The following STK31 variants were observed in gnomAD, a reference collection of about 807,000 sequenced individuals.
STK31 encodes the protein serine/threonine kinase 31.
Under a neutral mutation model 129.7 loss-of-function variants are expected in STK31, and 89 were observed. That is an observed-to-expected ratio of 0.69 (90% CI 0.58 to 0.82). STK31 has a LOEUF of 0.82. Among genes scored for constraint, STK31 ranks in the 40% least tolerant of loss-of-function variants. The probability of loss-of-function intolerance (pLI) is 0.00; values close to 1 mark genes in which losing one functional copy is unlikely to be tolerated. For synonymous variants in STK31, 448 were observed against 395.3 expected (o/e 1.13, Z -1.58); for missense variants, 1,187 against 1,176.4 (o/e 1.01, Z -0.13).
At chr7:23,825,691 A>T (rs1332147731) in intron 23 of STK31, among the ~76,000 whole-genome samples, 1 of 152,080 alleles carries the variant, frequency 6.6e-6, no homozygotes, top group Non-Finnish European at 1.5e-5. Context: ...TTGTGATGTT[A>T]GGGTGTCAAT....
chr7:23,792,255 A>G (rs1460279505), intron 22 of STK31, among the ~76,000 whole-genome samples: 1 of 152,228 alleles, frequency 6.6e-6, no homozygotes, highest in Non-Finnish European at 1.5e-5. Context: ...ATGTACATAA[A>G]AGCTACTAGA....
At position 23,767,432 on chromosome 7, in the gene STK31, A is replaced by G. The variant is rs182042403; in HGVS notation, c.1417-1563A>G. 3.8e-3 allele frequency among the ~76,000 whole-genome samples: 576 copies of G among 152,262 alleles called. 4 individuals are homozygous for G. Among genetic ancestry groups the G allele is most frequent in the Middle Eastern group, 0.02 (6 of 294 alleles). On this transcript the variant is annotated intron_variant, in intron 11 of 23. Coordinates refer to ENST00000355870, the MANE Select transcript of STK31 (RefSeq NM_031414.5). Reference sequence around the variant, plus strand: ...TAGAATGGGGTTATTTTTATTTTTAAGGGTCTAGCTTCTGATGTTGCCATC... The same window carrying G: ...TAGAATGGGGTTATTTTTATTTTTAGGGGTCTAGCTTCTGATGTTGCCATC...
In STK31 at chr7:23,721,720, C is replaced by T. The variant is rs945763836; in HGVS notation, c.249+4141C>T. 7.7e-6 allele frequency: 6 copies of T among 774,944 alleles called. No individual in the cohort carries two copies. The African/African-American group carries it at 1.0e-4, about 13-fold the overall frequency. The allele number at this position is 774,944 out of a possible 1,614,324, so 48.0% of individuals were successfully genotyped here. On this transcript the variant is annotated intron_variant, in intron 4 of 23. Transcript: ENST00000355870. ...TACCATTATCATTCTTACTTGGCTG[C>T]ACAAGTGGAGCAAATGACACAATAA...
At chr7:23,773,945 C>G (rs1056113550) in intron 15 of STK31, among the ~76,000 whole-genome samples, 30 of 148,748 alleles carry the variant, frequency 2.0e-4, no homozygotes, top group Admixed American at 1.9e-3. Context: ...CCCCACCCCA[C>G]AACAGACCCC....
At chr7:23,773,180 G>A (rs1206537288) in intron 15 of STK31, among the ~76,000 whole-genome samples, 1 of 152,034 alleles carries the variant, frequency 6.6e-6, no homozygotes, top group Non-Finnish European at 1.5e-5. Context: ...TTCTCCTAAT[G>A]CTATTCCTCC....
intron 8 of STK31, among the ~76,000 whole-genome samples, chr7:23,740,992 G>A (rs1216183663): frequency 6.6e-6 from 1 of 152,176 alleles, no homozygotes; most frequent in Non-Finnish European, 1.5e-5. Context: ...ATTGTCCAGT[G>A]TTGACCAGCA....
At chr7:23,741,605 A>G (rs1459479130) in intron 8 of STK31, among the ~76,000 whole-genome samples, 1 of 152,186 alleles carries the variant, frequency 6.6e-6, no homozygotes, top group Non-Finnish European at 1.5e-5. Flanking sequence ...GTTCCAGAGC[A>G]GGTGCCCCAG....
intron 22 of STK31, among the ~76,000 whole-genome samples, chr7:23,799,164 C>T (rs191174837): frequency 1.3e-5 from 2 of 152,178 alleles, no homozygotes; most frequent in African/African-American, 2.4e-5. Flanking sequence ...AAGGGCCATA[C>T]TACTCAAAGT....
In STK31 at chr7:23,735,736, C is replaced by T; in HGVS notation, c.682C>T (p.Pro228Ser). The T allele has an allele frequency of 6.2e-7, 1 of 1,614,074 alleles. No homozygotes were observed. Among genetic ancestry groups the T allele is most frequent in the African/African-American group, 1.3e-5 (1 of 75,030 alleles). ...CATCTGTGAGGAAAAAAAATTGGATCCTGGTCAACTTGTTCTCAGGAACCT... is the reference window on the plus strand; with the variant it reads ...CATCTGTGAGGAAAAAAAATTGGATTCTGGTCAACTTGTTCTCAGGAACCT... ...TDICEEKKLD[P>S]GQLVLRNLKS... The change falls in exon 7 of 24, where the codon CCT becomes TCT. Residue 228 changes from proline to serine, a missense_variant. By Grantham distance (74) the Pro-to-Ser change is moderately conservative. Around this residue, in one of 5 missense-constraint regions of STK31, gnomAD observed 975 missense variants for 934.9 expected, o/e 1.04. Coordinates refer to ENST00000355870, the MANE Select transcript of STK31 (RefSeq NM_031414.5).
At chr7:23,775,814 C>G (rs1006038532) in intron 15 of STK31, among the ~76,000 whole-genome samples, 20 of 152,100 alleles carry the variant, frequency 1.3e-4, no homozygotes, top group African/African-American at 3.4e-4. Flanking sequence ...ATGTGAATAC[C>G]TTTTATTTCT....
intron 4 of STK31, among the ~76,000 whole-genome samples, chr7:23,723,706 G>A (rs1786871251): frequency 6.6e-6 from 1 of 152,094 alleles, no homozygotes; most frequent in Non-Finnish European, 1.5e-5. Context: ...GGAGAAGATT[G>A]GGCCCAGGCA....
At chr7:23,791,902 GC>G (rs1380571190) in intron 22 of STK31, among the ~76,000 whole-genome samples, 11 of 152,184 alleles carry the variant, frequency 7.2e-5, no homozygotes, top group Non-Finnish European at 1.6e-4. Context: ...CATGAAAGCA[GC>G]CATAGACAGT....
chr7:23,767,951 T>G (rs553187258), intron 11 of STK31, among the ~76,000 whole-genome samples: 1 of 152,322 alleles, frequency 6.6e-6, no homozygotes, highest in South Asian at 2.1e-4. Flanking sequence ...TAGGGTTTGA[T>G]TTCTGGAGAG....
At chr7:23,730,784 T>C (rs965528216) in intron 6 of STK31, among the ~76,000 whole-genome samples, 3 of 148,444 alleles carry the variant, frequency 2.0e-5, no homozygotes, top group Admixed American at 6.8e-5. Flanking sequence ...TAGAACTGAA[T>C]TAATAAACTG....
chr7:23,741,848 C>A (rs1455811097), intron 8 of STK31, among the ~76,000 whole-genome samples: 1 of 152,174 alleles, frequency 6.6e-6, no homozygotes, highest in Non-Finnish European at 1.5e-5. Flanking sequence ...ATAGGAGAGC[C>A]TGGCTTTTCT....
In STK31 at chr7:23,772,267, A is replaced by C. The variant is rs1386132875; in HGVS notation, c.1954A>C (p.Asn652His). 2 of 1,604,482 alleles carry C rather than the reference A, an allele frequency of 1.2e-6. No homozygotes were observed. The highest frequency in any genetic ancestry group is 4.5e-5 in the East Asian group (2 of 44,368). The change falls in exon 15 of 24, where the codon AAT becomes CAT. Residue 652 changes from asparagine (N) to histidine (H), a missense_variant. By Grantham distance (68) the Asn-to-His change is moderately conservative. This residue lies in a region of STK31 where 975 missense variants were observed against 934.9 expected (regional missense o/e 1.04). Coordinates refer to ENST00000355870, the MANE Select transcript of STK31 (RefSeq NM_031414.5). ...LLRWKLVEKS[N>H]LEESDDPDGS... ...CAGATGGAAATTGGTTGAAAAGAGTAATTTGGAAGAGGTAAGGAAACAGTT... is the reference window on the plus strand; with the variant it reads ...CAGATGGAAATTGGTTGAAAAGAGTCATTTGGAAGAGGTAAGGAAACAGTT...
At chr7:23,732,332 A>G (rs1193082799) in intron 6 of STK31, among the ~76,000 whole-genome samples, 1 of 152,210 alleles carries the variant, frequency 6.6e-6, no homozygotes, top group East Asian at 1.9e-4. Context: ...AAGTGCAGGT[A>G]TATATCTCCA....
At chr7:23,710,101 A>C (rs1297583297), upstream of STK31, 5 of 991,726 alleles carry the variant, frequency 5.0e-6, no homozygotes, top group East Asian at 7.9e-5. Flanking sequence ...GGCAGCAGCC[A>C]GCGTCAGGCG....
chr7:23,831,209 TCTAGTGGTGA>T (rs773514672), intron 23 of STK31, among the ~76,000 whole-genome samples: 1 of 152,188 alleles, frequency 6.6e-6, no homozygotes, highest in Non-Finnish European at 1.5e-5. Flanking sequence ...AGATTATCTG[TCTAGTGGTGA>T]GAGTTGGGTG....
Sources: allele counts gnomAD v4.1 joint callset (sites outside exome capture counted in the v4.1 genomes callset), GRCh38; gene constraint gnomAD v4.1.1; regional missense constraint gnomAD v4.1.1; transcripts MANE v1.5; gene names NCBI Gene and HGNC (gene_info 2026-07-23, HGNC 2026-07-21).